Variants in AP3D1 observed in about 807,000 individuals in gnomAD.
AP3D1 encodes AP-3 complex subunit delta-1.
A neutral mutation model predicts 147.6 loss-of-function variants in AP3D1; 51 were observed. The ratio of observed to expected loss-of-function variants is 0.35; its 90% CI spans 0.28 to 0.44. The LOEUF is 0.44. Among genes scored for constraint, AP3D1 ranks in the 20% least tolerant of loss-of-function variants. The probability of loss-of-function intolerance (pLI) is 1.00; values close to 1 mark genes in which losing one functional copy is unlikely to be tolerated. For synonymous variants in AP3D1, 760 were observed against 663.0 expected (o/e 1.15, Z -2.25); for missense variants, 1,421 against 1,624.2 (o/e 0.87, Z 2.15).
rs866528376 is a variant in AP3D1, at chr19:2,123,478, A to G, written c.907-72T>C. On this transcript the variant is annotated intron_variant, in intron 10 of 31. Transcript: ENST00000643116. ...GGTGAGTCCCACAGGTACCCTCCAG[A>G]TTCAACCTCAACCTGGCCTAAGGCC... is the stretch of plus-strand genomic sequence containing the variant. 1.2e-5 allele frequency: 18 copies of G among 1,520,968 alleles called. No individual in the cohort carries two copies. The Middle Eastern group carries it at 3.1e-3, about 259-fold the overall frequency. The allele number at this position is 1,520,968 out of a possible 1,614,324, so 94.2% of individuals were successfully genotyped here. A position where few individuals can be genotyped will look rare whatever the true frequency, so the allele number is the denominator to read the frequency against.
chr19:2,117,060 G>T, intron 16 of AP3D1, 162 bp downstream of exon 16: 1 of 936,020 alleles, frequency 1.1e-6, no homozygotes, highest in Non-Finnish European at 1.5e-6. Context: ...GAACCAGTGA[G>T]AGACCTGGTG....
chr19:2,105,945 A>C (rs901190988), intron 31 of AP3D1, among the ~76,000 whole-genome samples: 14 of 152,056 alleles, frequency 9.2e-5, no homozygotes, highest in African/African-American at 3.4e-4. Flanking sequence ...AGAGACAAAA[A>C]GATTATCCAG....
chr19:2,116,543 C>A, intron 17 of AP3D1, 62 bp downstream of exon 17: 1 of 1,485,410 alleles, frequency 6.7e-7, no homozygotes, highest in East Asian at 2.4e-5. Context: ...TGACCTGCCT[C>A]AAAGACTCCC....
At chr19:2,137,667 C>T (rs368771696) in intron 3 of AP3D1, 60 bp downstream of exon 3, 8 of 1,433,080 alleles carry the variant, frequency 5.6e-6, no homozygotes, top group Admixed American at 1.8e-5. Context: ...TGGCCAGTCA[C>T]GGTGCCTCAC....
chr19:2,128,051 T>C (rs71337083), intron 8 of AP3D1, among the ~76,000 whole-genome samples: 1 of 152,224 alleles, frequency 6.6e-6, no homozygotes, highest in East Asian at 1.9e-4. Flanking sequence ...TGTGTCCTTG[T>C]TGCCGACACA....
Position 2,110,863 on chromosome 19 carries a change from T to C in AP3D1, c.3019A>G (p.Ser1007Gly). ...CDIRGSLQED[S>G]QVTVAIVLEN... Reference sequence around the variant, plus strand: ...AGCACGATGGCCACAGTGACCTGGCTGTCCTCCTGCAGACTGCCCCGGATG... The same window carrying C: ...AGCACGATGGCCACAGTGACCTGGCCGTCCTCCTGCAGACTGCCCCGGATG... The change falls in exon 27 of 32, where the codon AGC becomes GGC. Residue 1007 changes from serine to glycine, a missense_variant. This residue lies in a region of AP3D1 where 791 missense variants were observed against 761.4 expected (regional missense o/e 1.04). Transcript: ENST00000643116. 2 of 1,613,440 alleles carry C rather than the reference T, an allele frequency of 1.2e-6. 1 individual carries two copies. Among genetic ancestry groups the C allele is most frequent in the Non-Finnish European group, 1.7e-6 (2 of 1,179,982 alleles).
rs747093485 is a variant in AP3D1 at position 2,115,342 on chromosome 19, C to T, written c.2226G>A (p.Arg742=). Residue 742 remains arginine, a synonymous_variant, in exon 20 of 32, where the codon AGG becomes AGA. Coordinates refer to ENST00000643116, the MANE Select transcript of AP3D1 (RefSeq NM_001261826.3). The part of the protein sequence containing the change: ...RHRQKLEKDK[R]RKKRKEKEKK... ...TCTCCTTCTCCTTCCTCTTTTTCCTCCTCTTGTCCTTCTCCAGCTTCTGCC... is the reference window on the plus strand; with the variant it reads ...TCTCCTTCTCCTTCCTCTTTTTCCTTCTCTTGTCCTTCTCCAGCTTCTGCC... The T allele has an allele frequency of 1.6e-5, 25 of 1,609,604 alleles. No individual in the cohort carries two copies. The Admixed American group carries it at 3.5e-4, about 23-fold the overall frequency.
At chr19:2,124,688 C>A (rs2018703458) in intron 9 of AP3D1, among the ~76,000 whole-genome samples, 1 of 152,158 alleles carries the variant, frequency 6.6e-6, no homozygotes, top group African/African-American at 2.4e-5. Context: ...TGCCTGTAAT[C>A]CCAGCGCTTT....
At chr19:2,105,371 C>T (rs1463860406) in intron 31 of AP3D1, among the ~76,000 whole-genome samples, 1 of 152,228 alleles carries the variant, frequency 6.6e-6, no homozygotes, top group African/African-American at 2.4e-5. Flanking sequence ...GGGCAAGGAA[C>T]ACCTGGCTGG....
chr19:2,105,435 G>A (rs566411279), intron 31 of AP3D1, among the ~76,000 whole-genome samples: 30 of 152,244 alleles, frequency 2.0e-4, no homozygotes, highest in Non-Finnish European at 4.1e-4. Flanking sequence ...AATAGCATGA[G>A]CGAGCTGTGT....
chr19:2,115,261 G>A lies in AP3D1; in HGVS notation c.2307C>T (p.Ala769=). 2.5e-6 allele frequency: 4 copies of A among 1,613,504 alleles called. No individual in the cohort carries two copies. Among genetic ancestry groups the A allele is most frequent in the Non-Finnish European group, 3.4e-6 (4 of 1,180,012 alleles). ...SLPTESDEDI[A]PAQQVDIVTE... is the part of the protein sequence containing the mutation. ...TGACGATGTCCACCTGCTGGGCAGGGGCGATGTCCTCGTCGCTCTCCGTGG... is the reference window on the plus strand; with the variant it reads ...TGACGATGTCCACCTGCTGGGCAGGAGCGATGTCCTCGTCGCTCTCCGTGG... Residue 769 remains alanine, a synonymous_variant, in exon 20 of 32, where the codon GCC becomes GCT. Transcript: ENST00000643116.
intron 5 of AP3D1, 91 bp downstream of exon 5, chr19:2,132,380 T>A (rs2018973933): frequency 2.5e-6 from 3 of 1,220,670 alleles, no homozygotes; most frequent in Admixed American, 1.9e-5. Flanking sequence ...CCGGCCGGTT[T>A]CCGCATAGCC....
intron 24 of AP3D1, 115 bp from the exon 25 acceptor site, chr19:2,111,943 G>C: frequency 6.6e-7 from 1 of 1,523,102 alleles, no homozygotes; most frequent in Non-Finnish European, 8.9e-7. Flanking sequence ...ACGTGCCTGG[G>C]TGGGATGGCA....
chr19:2,126,382 G>A (rs558395290), intron 9 of AP3D1, among the ~76,000 whole-genome samples: 2 of 151,998 alleles, frequency 1.3e-5, no homozygotes, highest in East Asian at 1.9e-4. Flanking sequence ...TGGGCCAGGC[G>A]CAGTGGCTCA....
In AP3D1 at chr19:2,114,311, G is replaced by A. The variant is rs1320808505; in HGVS notation, c.2424-9C>T. ...CGCTGTCGGCTAAGGGCCTGGAGGA[G>A]GAATGACCGGGCCACACATCAGCAC... On this transcript the variant is annotated splice_polypyrimidine_tract_variant and intron_variant, in intron 21 of 31. Coordinates refer to ENST00000643116, the MANE Select transcript of AP3D1 (RefSeq NM_001261826.3). The A allele has an allele frequency of 1.2e-6, 2 of 1,607,926 alleles. No homozygotes were observed. The highest frequency in any genetic ancestry group is 1.3e-5 in the African/African-American group (1 of 74,248).
chr19:2,161,226 ATC>A (rs2019695082), intron 1 of AP3D1, among the ~76,000 whole-genome samples: 1 of 150,186 alleles, frequency 6.7e-6, no homozygotes, highest in South Asian at 2.1e-4. Flanking sequence ...CAGTGGCACA[ATC>A]TCTGCTCACT....
chr19:2,158,791 C>T (rs2019670296), intron 1 of AP3D1, among the ~76,000 whole-genome samples: 2 of 152,090 alleles, frequency 1.3e-5, no homozygotes, highest in Admixed American at 6.6e-5. Context: ...ATCTGTTAGT[C>T]CTGCAAAGGC....
chr19:2,133,880 C>T (rs1437094337), intron 4 of AP3D1, among the ~76,000 whole-genome samples: 3 of 151,596 alleles, frequency 2.0e-5, no homozygotes, highest in South Asian at 2.1e-4. Flanking sequence ...GAGTCTGAGG[C>T]GGGAAGATCA....
intron 31 of AP3D1, among the ~76,000 whole-genome samples, 159 bp downstream of exon 31, chr19:2,108,528 G>T (rs1350357954): frequency 1.3e-5 from 2 of 152,240 alleles, no homozygotes; most frequent in African/African-American, 4.8e-5. Flanking sequence ...CTGTGCTGCT[G>T]AGTGGGGCTG....
Sources: gnomAD v4.1 joint callset for allele counts (sites outside exome capture counted in the v4.1 genomes callset) on GRCh38, gnomAD v4.1.1 for gene constraint, gnomAD v4.1.1 regional missense constraint, MANE v1.5 for transcripts, NCBI Gene and HGNC (gene_info 2026-07-23, HGNC 2026-07-21) for gene names.